The following ZC3H6 variants were observed in gnomAD, a reference collection of about 807,000 sequenced individuals.
The protein encoded by ZC3H6 is zinc finger CCCH domain-containing protein 6.
Under a neutral mutation model 107.7 loss-of-function variants are expected in ZC3H6, and 40 were observed. The ratio of observed to expected loss-of-function variants is 0.37; its 90% CI spans 0.29 to 0.48. The LOEUF (loss-of-function observed/expected upper bound fraction) is 0.48, where lower values mean the gene tolerates loss of function less well. Among genes scored for constraint, ZC3H6 ranks in the 20% least tolerant of loss-of-function variants. The pLI is 0.98. For synonymous variants in ZC3H6, 493 were observed against 487.9 expected (o/e 1.01, Z -0.14); for missense variants, 1,267 against 1,410.4 (o/e 0.90, Z 1.63).
chr2:112,330,450 C>T (rs1396387519), intron 11 of ZC3H6, among the ~76,000 whole-genome samples: 1 of 152,122 alleles, frequency 6.6e-6, no homozygotes, highest in African/African-American at 2.4e-5. Flanking sequence ...AAGTCTCTAC[C>T]CCATTCCTCA....
chr2:112,285,742 C>T (rs1159392542), intron 1 of ZC3H6, among the ~76,000 whole-genome samples: 1 of 152,068 alleles, frequency 6.6e-6, no homozygotes, highest in Non-Finnish European at 1.5e-5. Context: ...GGGTGGATCA[C>T]CTGAGGTCAG....
intron 1 of ZC3H6, among the ~76,000 whole-genome samples, chr2:112,289,729 C>G (rs1387910881): frequency 7.0e-6 from 1 of 143,072 alleles, no homozygotes; most frequent in East Asian, 2.1e-4. Context: ...AATATTTTTA[C>G]CGTTTTTTGT....
chr2:112,319,954 C>T (rs6708164), intron 7 of ZC3H6, among the ~76,000 whole-genome samples: 77,545 of 151,904 alleles, frequency 0.51, 21,979 homozygotes, highest in East Asian at 0.77. Flanking sequence ...TTTTGTGAGA[C>T]GGAGTTTCAC....
At position 112,325,095 on chromosome 2, in the gene ZC3H6, C is replaced by G; in HGVS notation, c.1984C>G (p.Pro662Ala). The G allele has an allele frequency of 6.2e-7, 1 of 1,614,014 alleles. No individual in the cohort carries two copies. Among genetic ancestry groups the G allele is most frequent in the Non-Finnish European group, 8.5e-7 (1 of 1,179,896 alleles). ...HGPLPVPGLL[P>A]AVQRALFVRL... The stretch of plus-strand genomic sequence containing the variant: ...CCCTCTGCCTGTACCAGGCCTCCTC[C>G]CTGCAGTGCAAAGAGCTCTTTTTGT... The change falls in exon 11 of 12, where the codon CCT becomes GCT. Residue 662 changes from proline to alanine, a missense_variant. Pro to Ala is a conservative substitution (Grantham distance 27). Around this residue, in one of 3 missense-constraint regions of ZC3H6, gnomAD observed 925 missense variants for 1,025.7 expected, o/e 0.90. Coordinates refer to ENST00000409871, the MANE Select transcript of ZC3H6 (RefSeq NM_198581.3).
intron 7 of ZC3H6, among the ~76,000 whole-genome samples, chr2:112,320,919 T>C (rs1327030580): frequency 6.6e-6 from 1 of 152,100 alleles, no homozygotes; most frequent in Non-Finnish European, 1.5e-5. Context: ...TTTTAAAAAA[T>C]CAATTAAGAA....
intron 7 of ZC3H6, among the ~76,000 whole-genome samples, chr2:112,321,545 T>G (rs1308735310): frequency 1.3e-5 from 2 of 150,720 alleles, no homozygotes; most frequent in Admixed American, 6.6e-5. Context: ...AGTTGTGGTT[T>G]TGTGTGTGTG....
chr2:112,322,073 CTT>C (rs1052003900), intron 8 of ZC3H6, among the ~76,000 whole-genome samples: 2 of 149,288 alleles, frequency 1.3e-5, no homozygotes, highest in African/African-American at 4.9e-5. Flanking sequence ...ACCATTTCAA[CTT>C]TTTTTTTTCT....
At position 112,333,414 on chromosome 2, in the gene ZC3H6, T is replaced by C. The variant is rs1164360553; in HGVS notation, c.*926T>C. 2 of 152,514 alleles carry C rather than the reference T, an allele frequency of 1.3e-5. No homozygotes were observed. Among genetic ancestry groups the C allele is most frequent in the Admixed American group, 1.3e-4 (2 of 15,264 alleles). The allele number at this position is 152,514 out of a possible 1,614,324, so 9.4% of individuals were successfully genotyped here. On this transcript the variant is annotated 3_prime_UTR_variant, in exon 12 of 12. Coordinates refer to ENST00000409871, the MANE Select transcript of ZC3H6 (RefSeq NM_198581.3). ...ATGTTTTAAATGTCTAGGTTCTGTA[T>C]TTTTTTCTTAAATAGCAAGAAAATA...
At chr2:112,278,097 A>G (rs976991412) in intron 1 of ZC3H6, among the ~76,000 whole-genome samples, 3 of 152,212 alleles carry the variant, frequency 2.0e-5, no homozygotes, top group Non-Finnish European at 2.9e-5. Context: ...TGTTCTGCCC[A>G]GAGCAACTGA....
At chr2:112,312,206 CTATTAGTCTTCTTT>C in intron 5 of ZC3H6, 1 of 294,326 alleles carries the variant, frequency 3.4e-6, no homozygotes, top group Admixed American at 4.9e-5. Context: ...AATATATCCT[CTATTAGTCTTCTTT>C]TGTGCTTTTC....
intron 5 of ZC3H6, among the ~76,000 whole-genome samples, chr2:112,314,801 C>G (rs1339709416): frequency 2.6e-5 from 4 of 152,134 alleles, no homozygotes; most frequent in Non-Finnish European, 4.4e-5. Context: ...ATTTGAGACA[C>G]TTTAAATGAT....
rs1337501226 is a variant in ZC3H6 at position 112,324,440 on chromosome 2, A to G, written c.1629A>G (p.Thr543=). 3 of 1,613,874 alleles carry G rather than the reference A, an allele frequency of 1.9e-6. No homozygotes were observed. Among genetic ancestry groups the G allele is most frequent in the Non-Finnish European group, 2.5e-6 (3 of 1,179,898 alleles). The change falls in exon 10 of 12, where the codon ACA becomes ACG. Residue 543 remains threonine, a synonymous_variant. Coordinates refer to ENST00000409871, the MANE Select transcript of ZC3H6 (RefSeq NM_198581.3). ...GVLVQPDTSL[T]PPSMGGAYHS... ...TTGTTCAACCAGACACATCTTTGAC[A>G]CCACCAAGTATGGGTGGGGCTTACC...
intron 5 of ZC3H6, among the ~76,000 whole-genome samples, chr2:112,313,632 T>C (rs1664904052): frequency 6.6e-6 from 1 of 152,176 alleles, no homozygotes; most frequent in African/African-American, 2.4e-5. Context: ...AAATACATTA[T>C]CAGTCATGTC....
intron 1 of ZC3H6, among the ~76,000 whole-genome samples, chr2:112,276,742 T>G (rs1365458257): frequency 6.6e-6 from 1 of 152,260 alleles, no homozygotes; most frequent in African/African-American, 2.4e-5. Context: ...AGGCACATTC[T>G]TGTTTCCATT....
intron 1 of ZC3H6, among the ~76,000 whole-genome samples, chr2:112,292,354 G>C (rs1034392442): frequency 2.6e-5 from 4 of 152,184 alleles, no homozygotes; most frequent in Non-Finnish European, 5.9e-5. Flanking sequence ...CTGAATATCA[G>C]AATCCCTTTA....
At chr2:112,329,971 T>A (rs1462553182) in intron 11 of ZC3H6, among the ~76,000 whole-genome samples, 1 of 152,120 alleles carries the variant, frequency 6.6e-6, no homozygotes, top group Non-Finnish European at 1.5e-5. Flanking sequence ...TTCTTAAACT[T>A]GCATCTAATA....
At chr2:112,291,317 T>C (rs543161412) in intron 1 of ZC3H6, among the ~76,000 whole-genome samples, 4 of 152,334 alleles carry the variant, frequency 2.6e-5, no homozygotes, top group African/African-American at 9.6e-5. Context: ...CACTGCAATG[T>C]CTGTCTCCTG....
intron 8 of ZC3H6, among the ~76,000 whole-genome samples, chr2:112,322,201 C>T (rs1450137428): frequency 6.7e-6 from 1 of 149,894 alleles, no homozygotes; most frequent in African/African-American, 2.5e-5. Flanking sequence ...ATTTCTCTCT[C>T]TCTCTCTCTG....
rs912147487 is a variant in ZC3H6, at chr2:112,337,225, T to G, written c.*4737T>G. 1 of 152,198 alleles carries G rather than the reference T, an allele frequency of 6.6e-6. No individual in the cohort carries two copies. The highest frequency in any genetic ancestry group is 2.4e-5 in the African/African-American group (1 of 41,456). The allele number at this position is 152,198 out of a possible 1,614,324, so 9.4% of individuals were successfully genotyped here. A position where few individuals can be genotyped will look rare whatever the true frequency, so the allele number is the denominator to read the frequency against. Reference sequence around the variant, plus strand: ...ACAAGATTACTTCATGGTGAAAGTTTGGATTGATCAATAATTTATTCCTAT... The same window carrying G: ...ACAAGATTACTTCATGGTGAAAGTTGGGATTGATCAATAATTTATTCCTAT... On this transcript the variant is annotated 3_prime_UTR_variant, in exon 12 of 12. Transcript: ENST00000409871.
Sources: gnomAD v4.1 joint callset for allele counts (sites outside exome capture counted in the v4.1 genomes callset) on GRCh38, gnomAD v4.1.1 for gene constraint, gnomAD v4.1.1 regional missense constraint, MANE v1.5 for transcripts, NCBI Gene and HGNC (gene_info 2026-07-23, HGNC 2026-07-21) for gene names.